Variants in GLIS3 observed in about 807,000 individuals in gnomAD.
GLIS3 encodes the protein zinc finger protein GLIS3.
In GLIS3, 53 loss-of-function variants were observed where a neutral mutation model predicts 78.6. The ratio of observed to expected loss-of-function variants is 0.67; its 90% CI spans 0.54 to 0.85. GLIS3 has a LOEUF of 0.85. Ranked by LOEUF, GLIS3 falls within the 40% of genes least tolerant of loss-of-function variation. The probability of loss-of-function intolerance (pLI) is 0.00; values close to 1 mark genes in which losing one functional copy is unlikely to be tolerated. For missense variants in GLIS3, 1,703 were observed against 1,231.1 expected, an observed-to-expected ratio of 1.38 and a Z score of -5.74; for synonymous variants, 684 against 509.9, an observed-to-expected ratio of 1.34 and a Z score of -4.60.
At position 4,319,403 on chromosome 9, in the gene GLIS3, A is replaced by G. The variant is rs577960665; in HGVS notation, n.265-8875T>C. ...AACTGGTGAATCTGGGTGAAGGTAC[A>G]TGGAAGCTCATTATTCTATTCTTGC... On this transcript the variant is annotated intron_variant and non_coding_transcript_variant, in intron 2 of 4. Coordinates refer to the GLIS3 transcript ENST00000471664. Among the ~76,000 whole-genome samples, 4 of 152,340 alleles carry G rather than the reference A, an allele frequency of 2.6e-5. No individual in the cohort carries two copies. The East Asian group carries it at 5.8e-4, about 22-fold the overall frequency.
chr9:4,131,033 T>C (rs897138957), intron 2 of GLIS3, among the ~76,000 whole-genome samples: 10 of 152,182 alleles, frequency 6.6e-5, no homozygotes, highest in African/African-American at 2.4e-4. Context: ...AGGAGATTAT[T>C]TGGGAGCTTT....
Position 4,154,814 on chromosome 9 carries a change from A to C in GLIS3, c.389-28873T>G, listed in dbSNP as rs1834932328. Among the ~76,000 whole-genome samples, 4 of 152,206 alleles carry C rather than the reference A, an allele frequency of 2.6e-5. No individual in the cohort carries two copies. In the South Asian group the frequency reaches 8.3e-4, roughly 32 times the overall value. On this transcript the variant is annotated intron_variant, in intron 2 of 10. Transcript: ENST00000381971. ...TCTGACCAAATAATCTACCCTATGGACATATTTAGACATTTAGACCATCAT... is the reference window on the plus strand; with the variant it reads ...TCTGACCAAATAATCTACCCTATGGCCATATTTAGACATTTAGACCATCAT...
At chr9:4,392,943 T>A in the GLIS3 span, among the ~76,000 whole-genome samples, 503 of 152,220 alleles carry the variant, frequency 3.3e-3, 3 homozygotes, top group Non-Finnish European at 4.7e-3. Flanking sequence ...GGATCTTTTT[T>A]TTTTTCCCCA....
the GLIS3 span, among the ~76,000 whole-genome samples, chr9:4,363,383 A>C: frequency 6.6e-6 from 1 of 152,236 alleles, no homozygotes; most frequent in Non-Finnish European, 1.5e-5. Context: ...AGATGGCACC[A>C]CTGCACTCCT....
At chr9:4,271,441 T>G (rs1826500004) in intron 2 of GLIS3, among the ~76,000 whole-genome samples, 1 of 152,164 alleles carries the variant, frequency 6.6e-6, no homozygotes, top group African/African-American at 2.4e-5. Flanking sequence ...TTGGTTCTGT[T>G]TCCCTGTAGA....
intron 4 of GLIS3, among the ~76,000 whole-genome samples, chr9:4,031,081 A>T (rs1255561964): frequency 6.6e-6 from 1 of 152,230 alleles, no homozygotes; most frequent in African/African-American, 2.4e-5. Context: ...TGTGGAAAAC[A>T]GTTTGGCAGT....
At chr9:4,224,925 C>T (rs1011623490) in intron 2 of GLIS3, among the ~76,000 whole-genome samples, 3 of 151,854 alleles carry the variant, frequency 2.0e-5, no homozygotes, top group Admixed American at 6.6e-5. Flanking sequence ...ATTTAGATCA[C>T]GATTATCACT....
intron 4 of GLIS3, among the ~76,000 whole-genome samples, chr9:3,979,947 G>A (rs777421225): frequency 2.6e-5 from 4 of 152,138 alleles, no homozygotes; most frequent in Non-Finnish European, 5.9e-5. Context: ...CGTAAGGAAC[G>A]GCAGATAACG....
chr9:3,920,608 G>GT (rs1824818822), intron 6 of GLIS3, among the ~76,000 whole-genome samples: 2 of 80,250 alleles, frequency 2.5e-5, no homozygotes, highest in Non-Finnish European at 4.8e-5. Context: ...TAAAAGAACA[G>GT]GTTTTTTTTT....
At chr9:4,367,620 C>A in the GLIS3 span, among the ~76,000 whole-genome samples, 11 of 119,578 alleles carry the variant, frequency 9.2e-5, no homozygotes, top group African/African-American at 3.7e-4. Context: ...GGCAACAGAG[C>A]GAGACTCCAT....
chr9:4,169,702 A>G (rs572456563), intron 2 of GLIS3, among the ~76,000 whole-genome samples: 1 of 152,334 alleles, frequency 6.6e-6, no homozygotes, highest in South Asian at 2.1e-4. Context: ...GTAAAAGGGC[A>G]TCGAGTCTAT....
intron 6 of GLIS3, among the ~76,000 whole-genome samples, chr9:3,916,594 T>C (rs1474639396): frequency 3.3e-5 from 5 of 152,168 alleles, no homozygotes; most frequent in South Asian, 2.1e-4. Context: ...CAGAGAAAAA[T>C]TGCAGCGCTG....
intron 2 of GLIS3, chr9:4,152,221 T>A: frequency 1.7e-6 from 1 of 589,192 alleles, no homozygotes; most frequent in Non-Finnish European, 2.1e-6. Flanking sequence ...AAGAACTTTC[T>A]AGAAATCAGA....
At chr9:3,984,332 C>G (rs1446949906) in intron 4 of GLIS3, among the ~76,000 whole-genome samples, 1 of 152,222 alleles carries the variant, frequency 6.6e-6, no homozygotes, top group South Asian at 2.1e-4. Context: ...CAGAGCTGCC[C>G]AAGACCATGG....
At chr9:4,006,933 G>C (rs72685689) in intron 4 of GLIS3, among the ~76,000 whole-genome samples, 5,032 of 152,280 alleles carry the variant, frequency 0.033, 109 homozygotes, top group Non-Finnish European at 0.055. Context: ...AAGCTGTCTA[G>C]GGAAGAAGCA....
rs567993362 is a variant in GLIS3, at chr9:3,920,126, C to A, written c.1983+12234G>T. On this transcript the variant is annotated intron_variant, in intron 6 of 10. Transcript: ENST00000381971. ...TCACACCATTCTCCCGCCTCAGCCT[C>A]CTGAGTAGCTGGGACTACAGGCGCC... Among the ~76,000 whole-genome samples, 28 of 151,938 alleles carry A rather than the reference C, an allele frequency of 1.8e-4. No individual in the cohort carries two copies. The East Asian group carries it at 5.4e-3, about 29-fold the overall frequency.
the GLIS3 span, among the ~76,000 whole-genome samples, chr9:4,413,916 A>T: frequency 1.5e-4 from 23 of 152,298 alleles, no homozygotes; most frequent in African/African-American, 5.5e-4. Context: ...TAACTTCACC[A>T]GCTTATGGAA....
At chr9:4,273,507 C>G (rs1379359908) in intron 2 of GLIS3, among the ~76,000 whole-genome samples, 1 of 152,054 alleles carries the variant, frequency 6.6e-6, no homozygotes, top group South Asian at 2.1e-4. Flanking sequence ...GTGGAATCAT[C>G]ACTTGAGCCC....
At chr9:4,294,372 G>A (rs528647782) in intron 1 of GLIS3, among the ~76,000 whole-genome samples, 3 of 152,280 alleles carry the variant, frequency 2.0e-5, no homozygotes, top group East Asian at 1.9e-4. Context: ...AGCCAGGCAT[G>A]GTGGCACATG....
Sources: gnomAD v4.1 joint callset for allele counts (sites outside exome capture counted in the v4.1 genomes callset) on GRCh38, gnomAD v4.1.1 for gene constraint, MANE v1.5 for transcripts, NCBI Gene and HGNC (gene_info 2026-07-23, HGNC 2026-07-21) for gene names.